ZNF138: variants seen among roughly 807,000 people sequenced by gnomAD.
ZNF138 encodes the protein zinc finger protein 138 (clone pHZ-32).
Under a neutral mutation model 33.0 loss-of-function variants are expected in ZNF138, and 33 were observed. The observed-to-expected ratio is 1.00, with a 90% CI of 0.76 to 1.34. ZNF138 has a LOEUF of 1.34. Ranked by LOEUF, ZNF138 falls within the 40% of genes most tolerant of loss-of-function variation. The pLI, the probability that ZNF138 is intolerant of heterozygous loss-of-function variation, is 0.00. For synonymous variants in ZNF138, 139 were observed against 120.4 expected (o/e 1.15, Z -1.01); for missense variants, 360 against 370.8 (o/e 0.97, Z 0.24).
intron 3 of ZNF138, among the ~76,000 whole-genome samples, chr7:64,827,042 G>A (rs1051509021): frequency 1.3e-5 from 2 of 151,990 alleles, no homozygotes; most frequent in East Asian, 3.9e-4. Flanking sequence ...TTATAATAAA[G>A]AGGTTTATAT....
chr7:64,806,176 C>T (rs1428592705), intron 1 of ZNF138, among the ~76,000 whole-genome samples: 3 of 152,194 alleles, frequency 2.0e-5, no homozygotes, highest in Admixed American at 2.0e-4. Context: ...GGGCCTTTCT[C>T]AGGCTTCCAG....
rs151276027 is a variant in ZNF138, at chr7:64,805,911, A to G, written c.4-9007A>G. Among the ~76,000 whole-genome samples the G allele has an allele frequency of 3.9e-3, 600 of 152,358 alleles. 2 individuals are homozygous for G. The highest frequency in any genetic ancestry group is 0.014 in the African/African-American group (566 of 41,582). On this transcript the variant is annotated intron_variant, in intron 1 of 3. Coordinates refer to ENST00000307355, the MANE Select transcript of ZNF138 (RefSeq NM_001271639.2). Reference sequence around the variant, plus strand: ...GAATTTAGGATGAACTACATATGACATGGTGTTGTAAATTCTACTTGTGGA... The same window carrying G: ...GAATTTAGGATGAACTACATATGACGTGGTGTTGTAAATTCTACTTGTGGA...
the ZNF138 span, chr7:64,852,595 G>A: frequency 6.5e-7 from 1 of 1,533,832 alleles, no homozygotes; most frequent in Non-Finnish European, 9.0e-7. Flanking sequence ...ATGGTAAACA[G>A]ATCAGAAGCC....
chr7:64,831,030 A>G (rs1272271394), intron 3 of ZNF138: 1 of 1,552,034 alleles, frequency 6.4e-7, no homozygotes, highest in Non-Finnish European at 8.7e-7. Context: ...GTCATGGGAA[A>G]CAGAAACCAG....
the ZNF138 span, among the ~76,000 whole-genome samples, chr7:64,856,785 C>T: frequency 0.017 from 34 of 2,058 alleles, 3 homozygotes; most frequent in African/African-American, 0.018. Flanking sequence ...GTCAGCCCTC[C>T]GCCCGGCCAG....
chr7:64,854,184 G>A, the ZNF138 span, among the ~76,000 whole-genome samples: 165 of 152,268 alleles, frequency 1.1e-3, 1 homozygote, highest in African/African-American at 3.3e-3. Flanking sequence ...AATATTTTTA[G>A]AGGATTCTAC....
chr7:64,835,201 T>C (rs6976049), downstream of ZNF138: 149,985 of 152,200 alleles, frequency 0.99, 73,941 homozygotes, highest in East Asian at 1. Flanking sequence ...TCTGAGGTGG[T>C]GATCGCCATC....
In ZNF138 at chr7:64,832,465, C is replaced by A; in HGVS notation, c.*263C>A. The A allele has an allele frequency of 7.5e-7, 1 of 1,331,532 alleles. No individual in the cohort carries two copies. The highest frequency in any genetic ancestry group is 9.9e-7 in the Non-Finnish European group (1 of 1,008,532). 82.5% of individuals were successfully genotyped at this position (1,331,532 alleles called of 1,614,324 possible). A position where few individuals can be genotyped will look rare whatever the true frequency, so the allele number is the denominator to read the frequency against. Reference sequence around the variant, plus strand: ...TTTCACCGATACTCAATCCTTAGTACACATAAGAAAATTCATACTGGGGAG... The same window carrying A: ...TTTCACCGATACTCAATCCTTAGTAAACATAAGAAAATTCATACTGGGGAG... On this transcript the variant is annotated 3_prime_UTR_variant, in exon 4 of 4. Coordinates refer to ENST00000307355, the MANE Select transcript of ZNF138 (RefSeq NM_001271639.2).
intron 1 of ZNF138, among the ~76,000 whole-genome samples, chr7:64,796,526 G>A (rs997934359): frequency 4.6e-5 from 7 of 152,148 alleles, no homozygotes; most frequent in African/African-American, 1.7e-4. Context: ...TAATTAGAAT[G>A]GGCATGAAAG....
chr7:64,847,315 C>CATATATATATATAT, the ZNF138 span, among the ~76,000 whole-genome samples: 17 of 104,194 alleles, frequency 1.6e-4, no homozygotes, highest in South Asian at 1.5e-3. Context: ...TCTTCTAATA[C>CATATATATATATAT]ATATATATAT....
At chr7:64,849,033 C>T in the ZNF138 span, among the ~76,000 whole-genome samples, 1 of 152,140 alleles carries the variant, frequency 6.6e-6, no homozygotes, top group African/African-American at 2.4e-5. Flanking sequence ...TTTGTTTTGT[C>T]ATACTACCAG....
At chr7:64,811,395 G>C (rs550957150) in intron 1 of ZNF138, among the ~76,000 whole-genome samples, 11 of 152,248 alleles carry the variant, frequency 7.2e-5, no homozygotes, top group African/African-American at 2.6e-4. Flanking sequence ...GTCTAGGCTG[G>C]AGTGCAATGG....
Position 64,794,453 on chromosome 7 carries a change from T to A in ZNF138, c.-116T>A. On this transcript the variant is annotated 5_prime_UTR_variant, in exon 1 of 4. Transcript: ENST00000307355. ...GTCTCGCTGCAGCGGGTGCTGCAGG[T>A]CTGGCCTTCACTTTTCTGCGTCCTC... The A allele has an allele frequency of 7.4e-7, 1 of 1,354,332 alleles. No individual in the cohort carries two copies. The highest frequency in any genetic ancestry group is 9.9e-7 in the Non-Finnish European group (1 of 1,012,210). 83.9% of individuals were successfully genotyped at this position (1,354,332 alleles called of 1,614,324 possible).
At chr7:64,852,154 G>T in the ZNF138 span, among the ~76,000 whole-genome samples, 3 of 152,096 alleles carry the variant, frequency 2.0e-5, no homozygotes, top group East Asian at 5.8e-4. Context: ...CAACAGTATT[G>T]GATAACAATA....
rs1297131542 is a variant in ZNF138 at position 64,820,264 on chromosome 7, T to C, written c.208+4611T>C. 2.6e-5 allele frequency among the ~76,000 whole-genome samples: 4 copies of C among 151,688 alleles called. No homozygotes were observed. In the East Asian group the frequency reaches 7.7e-4, roughly 29 times the overall value. ...TTTATGGGGGCGGAGTGTGACTACT[T>C]AAGATACCTTATAAGTGGAATCATC... On this transcript the variant is annotated intron_variant, in intron 3 of 3. Coordinates refer to ENST00000307355, the MANE Select transcript of ZNF138 (RefSeq NM_001271639.2).
At chr7:64,838,242 G>C (rs905848080), downstream of ZNF138, among the ~76,000 whole-genome samples, 1 of 152,326 alleles carries the variant, frequency 6.6e-6, no homozygotes, top group African/African-American at 2.4e-5. Flanking sequence ...CACAGCGGCC[G>C]CTCCGAGGCC....
chr7:64,850,769 C>T, the ZNF138 span, among the ~76,000 whole-genome samples: 1 of 152,092 alleles, frequency 6.6e-6, no homozygotes, highest in Non-Finnish European at 1.5e-5. Context: ...TAAATGTGCC[C>T]AATAAGTCCC....
At chr7:64,826,154 G>A (rs1789593532) in intron 3 of ZNF138, among the ~76,000 whole-genome samples, 1 of 152,014 alleles carries the variant, frequency 6.6e-6, no homozygotes, top group Non-Finnish European at 1.5e-5. Flanking sequence ...TAAATTGATT[G>A]TTTAAAGAAA....
At chr7:64,828,569 AT>A (rs1342783218) in intron 3 of ZNF138, among the ~76,000 whole-genome samples, 2 of 152,146 alleles carry the variant, frequency 1.3e-5, no homozygotes, top group Non-Finnish European at 2.9e-5. Flanking sequence ...CGAAATTTGC[AT>A]TGCTTTTACC....
Sources: gnomAD v4.1 joint callset for allele counts (sites outside exome capture counted in the v4.1 genomes callset) on GRCh38, gnomAD v4.1.1 for gene constraint, MANE v1.5 for transcripts, NCBI Gene and HGNC (gene_info 2026-07-23, HGNC 2026-07-21) for gene names.